The following TM2D2 variants were observed in gnomAD, a reference collection of about 807,000 sequenced individuals.
TM2D2 encodes TM2 domain-containing protein 2.
Under a neutral mutation model 23.0 loss-of-function variants are expected in TM2D2, and 19 were observed. The observed-to-expected ratio is 0.82, with a 90% confidence interval of 0.58 to 1.21. TM2D2 has a LOEUF of 1.21. TM2D2 is among the 50% of genes most tolerant of loss of function. TM2D2 has a pLI of 0.00. For synonymous variants in TM2D2, 120 were observed against 108.8 expected, an observed-to-expected ratio of 1.10 and a Z score of -0.64; for missense variants, 246 against 265.4, an observed-to-expected ratio of 0.93 and a Z score of 0.51.
At chr8:38,996,836 C>G (rs1835821331), upstream of TM2D2, 11 of 1,442,128 alleles carry the variant, frequency 7.6e-6, no homozygotes, top group Non-Finnish European at 9.1e-6. Flanking sequence ...ATTCTCGCGC[C>G]GGGGACTGGA....
At chr8:38,993,824 C>T (rs1279060547) in intron 2 of TM2D2, 164 bp from the exon 3 acceptor site, 1 of 477,884 alleles carries the variant, frequency 2.1e-6, no homozygotes, top group African/African-American at 2.0e-5. Context: ...TAGTGACACA[C>T]TTCTGAGTCC....
chr8:38,993,534 G>A lies in TM2D2; in HGVS notation c.431+11C>T, dbSNP rs1260657408. ...CCAAGTACCAACTACTCCAATCAAA[G>A]TAACACTTACTTTATACAAGGTTTA... On this transcript the variant is annotated intron_variant, in intron 3 of 3. Coordinates refer to ENST00000456397, the MANE Select transcript of TM2D2 (RefSeq NM_078473.3). 2 of 1,597,338 alleles carry A rather than the reference G, an allele frequency of 1.3e-6. No homozygotes were observed. Among genetic ancestry groups the A allele is most frequent in the Non-Finnish European group, 1.7e-6 (2 of 1,165,938 alleles).
Position 38,991,337 on chromosome 8 carries a change from A to G in TM2D2, c.640T>C (p.Tyr214His). Reference sequence around the variant, plus strand: ...GGCCATGATGGCAGCTCTTCTTAGTAAACAGTGCACCAGTTGCTGCCATCA... The same window carrying G: ...GGCCATGATGGCAGCTCTTCTTAGTGAACAGTGCACCAGTTGCTGCCATCA... ...PSDGSNWCTVY is the reference protein window; with the variant it reads ...PSDGSNWCTVH Residue 214 changes from tyrosine (Y) to histidine (H), a missense_variant, in exon 4 of 4, where the codon TAC becomes CAC. Physicochemically the swap from Tyr to His is moderately conservative, Grantham distance 83 (BLOSUM62 2). Around this residue, in one of 2 missense-constraint regions of TM2D2, gnomAD observed 34 missense variants for 63.2 expected, o/e 0.54. Transcript: ENST00000456397. 1 of 1,613,812 alleles carries G rather than the reference A, an allele frequency of 6.2e-7. No individual in the cohort carries two copies. The highest frequency in any genetic ancestry group is 1.1e-5 in the South Asian group (1 of 91,022).
At chr8:38,992,486 C>CA (rs11332697) in intron 3 of TM2D2, among the ~76,000 whole-genome samples, 286 of 144,428 alleles carry the variant, frequency 2.0e-3, no homozygotes, top group African/African-American at 5.6e-3. Context: ...ACCCCATCTC[C>CA]AAAAAAAAAA....
chr8:38,995,995 T>G (rs1835768654), intron 1 of TM2D2, among the ~76,000 whole-genome samples: 1 of 152,166 alleles, frequency 6.6e-6, no homozygotes. Context: ...CCTACCCAGT[T>G]TTCCTCTTTG....
At chr8:38,992,009 A>G (rs189803160) in intron 3 of TM2D2, among the ~76,000 whole-genome samples, 83 of 152,270 alleles carry the variant, frequency 5.5e-4, no homozygotes, top group Non-Finnish European at 2.2e-4. Context: ...TGGGGTGTAC[A>G]GGCCAGAAAC....
chr8:38,992,489 A>C (rs1304062345), intron 3 of TM2D2, among the ~76,000 whole-genome samples: 1 of 149,854 alleles, frequency 6.7e-6, no homozygotes, highest in Non-Finnish European at 1.5e-5. Context: ...CCATCTCCAA[A>C]AAAAAAAAAA....
Position 38,989,572 on chromosome 8 carries a change from G to C in TM2D2, c.*1760C>G, listed in dbSNP as rs147000350. ...TGACCTTAAAGGATTCACCTGCCTC[G>C]GCCTCCCAAAGTGCAGGGATTACAG... is the stretch of plus-strand genomic sequence containing the variant. On this transcript the variant is annotated 3_prime_UTR_variant, in exon 4 of 4. Coordinates refer to ENST00000456397, the MANE Select transcript of TM2D2 (RefSeq NM_078473.3). 1 of 152,078 alleles carries C rather than the reference G, an allele frequency of 6.6e-6. No homozygotes were observed. The highest frequency in any genetic ancestry group is 1.5e-5 in the Non-Finnish European group (1 of 68,060). 9.4% of individuals were successfully genotyped at this position (152,078 alleles called of 1,614,324 possible).
At position 38,995,366 on chromosome 8, in the gene TM2D2, A is replaced by G; in HGVS notation, c.267T>C (p.His89=). Residue 89 remains histidine (H), a synonymous_variant, in exon 2 of 4, where the codon CAT becomes CAC. Transcript: ENST00000456397. ...CCTGGGATGCAGTTGCATTTCCAAC[A>G]TGATCCACTGGGTCTTCACATTCTA... The part of the protein sequence containing the change: ...EFIECEDPVD[H]VGNATASQEL... 1 of 1,608,094 alleles carries G rather than the reference A, an allele frequency of 6.2e-7. No homozygotes were observed. The highest frequency in any genetic ancestry group is 8.5e-7 in the Non-Finnish European group (1 of 1,178,354).
At chr8:38,996,924 G>T, upstream of TM2D2, 1 of 1,394,198 alleles carries the variant, frequency 7.2e-7, no homozygotes, top group Non-Finnish European at 9.6e-7. Context: ...AGTGCCGCGC[G>T]CGTGCTCGTC....
Position 38,990,044 on chromosome 8 carries a change from G to A in TM2D2, c.*1288C>T, listed in dbSNP as rs1244621906. On this transcript the variant is annotated 3_prime_UTR_variant, in exon 4 of 4. Transcript: ENST00000456397. ...TATGTTATAAGCAAGGTTAAGGTCA[G>A]TGTGGTACAGAACTTTCAAGACAGA... The A allele has an allele frequency of 6.6e-6, 1 of 152,226 alleles. No homozygotes were observed. Among genetic ancestry groups the A allele is most frequent in the Non-Finnish European group, 1.5e-5 (1 of 68,048 alleles). 9.4% of individuals were successfully genotyped at this position (152,226 alleles called of 1,614,324 possible).
At chr8:38,992,639 G>GA (rs1345222936) in intron 3 of TM2D2, among the ~76,000 whole-genome samples, 1 of 152,116 alleles carries the variant, frequency 6.6e-6, no homozygotes, top group Admixed American at 6.5e-5. Context: ...TGCAGAGTTG[G>GA]ATTGGACAAG....
chr8:38,992,719 G>A (rs1293916306), intron 3 of TM2D2, among the ~76,000 whole-genome samples: 2 of 152,160 alleles, frequency 1.3e-5, no homozygotes, highest in African/African-American at 4.8e-5. Context: ...ATCCTCCTCT[G>A]TAGAGGCTCT....
At chr8:38,995,969 G>A (rs553888934) in intron 1 of TM2D2, among the ~76,000 whole-genome samples, 13 of 152,266 alleles carry the variant, frequency 8.5e-5, no homozygotes, top group African/African-American at 3.1e-4. Flanking sequence ...TCTTCCAGAG[G>A]CTATATGATG....
chr8:38,996,820 A>G (rs1835820487), upstream of TM2D2: 1 of 1,435,104 alleles, frequency 7.0e-7, no homozygotes, highest in Middle Eastern at 2.6e-4. Flanking sequence ...CCGGTTTAGA[A>G]ATCCTATTCT....
At chr8:38,993,697 A>T (rs746361209) in intron 2 of TM2D2, 37 bp from the exon 3 acceptor site, 1 of 1,466,544 alleles carries the variant, frequency 6.8e-7, no homozygotes, top group South Asian at 1.1e-5. Context: ...CCAACTCACC[A>T]GAGCAAGTGA....
intron 3 of TM2D2, among the ~76,000 whole-genome samples, chr8:38,991,839 A>G (rs1835611086): frequency 6.6e-6 from 1 of 152,174 alleles, no homozygotes; most frequent in South Asian, 2.1e-4. Context: ...TTTGGCCACT[A>G]TCTTCATTGG....
upstream of TM2D2, chr8:38,996,663 T>G: frequency 4.2e-6 from 6 of 1,424,136 alleles, no homozygotes; most frequent in Non-Finnish European, 3.7e-6. Context: ...TGCTTCTCGA[T>G]TCCTCTTCTG....
Position 38,989,752 on chromosome 8 carries a change from A to T in TM2D2, c.*1580T>A, listed in dbSNP as rs1390061273. ...CTTATTTTGGGTAATATTATAATTT[A>T]TGTTTTTTAGACTTCCCTTAGAAAT... On this transcript the variant is annotated 3_prime_UTR_variant, in exon 4 of 4. Transcript: ENST00000456397. 6.6e-6 allele frequency: 1 copy of T among 152,164 alleles called. No individual in the cohort carries two copies. The highest frequency in any genetic ancestry group is 1.5e-5 in the Non-Finnish European group (1 of 68,024). 9.4% of individuals were successfully genotyped at this position (152,164 alleles called of 1,614,324 possible).
Sources: gnomAD v4.1 joint callset for allele counts (sites outside exome capture counted in the v4.1 genomes callset) on GRCh38, gnomAD v4.1.1 for gene constraint, gnomAD v4.1.1 regional missense constraint, MANE v1.5 for transcripts, NCBI Gene and HGNC (gene_info 2026-07-23, HGNC 2026-07-21) for gene names.